The following ZBTB8B variants were observed in gnomAD, a reference collection of about 807,000 sequenced individuals.
ZBTB8B encodes the protein zinc finger and BTB domain containing 8B, also known as zinc finger and BTB domain-containing protein 8B.
In ZBTB8B, 17 loss-of-function variants were observed where a neutral mutation model predicts 30.3. The ratio of observed to expected loss-of-function variants is 0.56; its 90% CI spans 0.38 to 0.84. The LOEUF (loss-of-function observed/expected upper bound fraction) is 0.84, where lower values mean the gene tolerates loss of function less well. Ranked by LOEUF, ZBTB8B falls within the 40% of genes least tolerant of loss-of-function variation. ZBTB8B has a pLI of 0.00. For missense variants in ZBTB8B, 515 were observed against 644.9 expected (o/e 0.80, Z 2.18); for synonymous variants, 248 against 255.6 (o/e 0.97, Z 0.28).
At position 32,487,930 on chromosome 1, in the gene ZBTB8B, T is replaced by G. The variant is rs1458931334; in HGVS notation, c.*2512T>G. On this transcript the variant is annotated 3_prime_UTR_variant, in exon 4 of 4. Transcript: ENST00000609129. The stretch of plus-strand genomic sequence containing the variant: ...TTATCAGGGACCAGAGATATTTGTC[T>G]TATCTGAAATAAAAATACTAGCTGT... The G allele has an allele frequency of 6.6e-6, 1 of 151,832 alleles. No individual in the cohort carries two copies. Among genetic ancestry groups the G allele is most frequent in the Non-Finnish European group, 1.5e-5 (1 of 67,986 alleles). 9.4% of individuals were successfully genotyped at this position (151,832 alleles called of 1,614,324 possible). A position where few individuals can be genotyped will look rare whatever the true frequency, so the allele number is the denominator to read the frequency against.
chr1:32,489,917 C>T lies in ZBTB8B; in HGVS notation c.*4499C>T, dbSNP rs1053589322. On this transcript the variant is annotated 3_prime_UTR_variant, in exon 4 of 4. Transcript: ENST00000609129. The stretch of plus-strand genomic sequence containing the variant: ...TGGTGGCCACCAGACTTTGAATATT[C>T]CTTAAGGAAGCTGCTGACCTAGTGT... 1 of 152,144 alleles carries T rather than the reference C, an allele frequency of 6.6e-6. No individual in the cohort carries two copies. The highest frequency in any genetic ancestry group is 1.9e-4 in the East Asian group (1 of 5,192). The allele number at this position is 152,144 out of a possible 1,614,324, so 9.4% of individuals were successfully genotyped here. A position where few individuals can be genotyped will look rare whatever the true frequency, so the allele number is the denominator to read the frequency against.
In ZBTB8B at chr1:32,491,565, C is replaced by T. The variant is rs1643779760; in HGVS notation, c.*6147C>T. 1 of 152,226 alleles carries T rather than the reference C, an allele frequency of 6.6e-6. No homozygotes were observed. The highest frequency in any genetic ancestry group is 2.4e-5 in the African/African-American group (1 of 41,458). The allele number at this position is 152,226 out of a possible 1,614,324, so 9.4% of individuals were successfully genotyped here. A position where few individuals can be genotyped will look rare whatever the true frequency, so the allele number is the denominator to read the frequency against. ...ATAGTGCAGGTGCAAGGAGACAGAT[C>T]TACATGGGGCAAGTATGGAAGCTTC... On this transcript the variant is annotated 3_prime_UTR_variant, in exon 4 of 4. Coordinates refer to ENST00000609129, the MANE Select transcript of ZBTB8B (RefSeq NM_001145720.2).
chr1:32,473,351 C>T (rs137895575), intron 2 of ZBTB8B, among the ~76,000 whole-genome samples: 1 of 151,782 alleles, frequency 6.6e-6, no homozygotes, highest in African/African-American at 2.4e-5. Context: ...AAAAAAATAC[C>T]AGAACCTCAA....
At position 32,486,382 on chromosome 1, in the gene ZBTB8B, G is replaced by A. The variant is rs1004699065; in HGVS notation, c.*964G>A. On this transcript the variant is annotated 3_prime_UTR_variant, in exon 4 of 4. Coordinates refer to ENST00000609129, the MANE Select transcript of ZBTB8B (RefSeq NM_001145720.2). ...AAGGGCAAGCCAGTGGTGTTAGACA[G>A]CAGCTTGTATTGAAGCAGCAGTGCC... 1 of 152,324 alleles carries A rather than the reference G, an allele frequency of 6.6e-6. No individual in the cohort carries two copies. Among genetic ancestry groups the A allele is most frequent in the Admixed American group, 6.5e-5 (1 of 15,282 alleles). 9.4% of individuals were successfully genotyped at this position (152,324 alleles called of 1,614,324 possible).
intron 3 of ZBTB8B, among the ~76,000 whole-genome samples, chr1:32,483,015 C>T (rs1181980788): frequency 2.6e-5 from 4 of 151,730 alleles, no homozygotes; most frequent in African/African-American, 9.7e-5. Flanking sequence ...TTGCTTGCAC[C>T]CAGAGCTCTC....
chr1:32,491,838 G>A lies in ZBTB8B; in HGVS notation c.*6420G>A, dbSNP rs1419455145. On this transcript the variant is annotated 3_prime_UTR_variant, in exon 4 of 4. Transcript: ENST00000609129. ...TTGACATATGAATTTTTATTAGGTT[G>A]CCAGGGGAACAGAGCTAGAAAGTTA... 2 of 152,210 alleles carry A rather than the reference G, an allele frequency of 1.3e-5. No individual in the cohort carries two copies. Among genetic ancestry groups the A allele is most frequent in the Non-Finnish European group, 2.9e-5 (2 of 68,040 alleles). 9.4% of individuals were successfully genotyped at this position (152,210 alleles called of 1,614,324 possible).
At position 32,471,966 on chromosome 1, in the gene ZBTB8B, T is replaced by A. The variant is rs113537799; in HGVS notation, c.991+351T>A. ...TACCATCATCATCATTACCATCATC[T>A]CCAGTATCACCATCATCATTACCAT... On this transcript the variant is annotated intron_variant, in intron 2 of 3. Coordinates refer to ENST00000609129, the MANE Select transcript of ZBTB8B (RefSeq NM_001145720.2). Among the ~76,000 whole-genome samples the A allele has an allele frequency of 6.2e-3, 830 of 133,784 alleles. 8 individuals carry two copies. Among genetic ancestry groups the A allele is most frequent in the African/African-American group, 0.02 (769 of 37,736 alleles). 87.8% of individuals were successfully genotyped at this position (133,784 alleles called of 152,430 possible).
Position 32,493,721 on chromosome 1 carries a change from A to G in ZBTB8B, c.*8303A>G, listed in dbSNP as rs575514762. Reference sequence around the variant, plus strand: ...CTCCATCTCAAAAAAATAAAAAATAATAATAATATGGTTTTCTTATTTAAA... The same window carrying G: ...CTCCATCTCAAAAAAATAAAAAATAGTAATAATATGGTTTTCTTATTTAAA... On this transcript the variant is annotated 3_prime_UTR_variant, in exon 4 of 4. Transcript: ENST00000609129. 3.3e-5 allele frequency: 5 copies of G among 151,748 alleles called. No individual in the cohort carries two copies. The South Asian group carries it at 8.3e-4, about 25-fold the overall frequency. 9.4% of individuals were successfully genotyped at this position (151,748 alleles called of 1,614,324 possible). A position where few individuals can be genotyped will look rare whatever the true frequency, so the allele number is the denominator to read the frequency against.
At chr1:32,479,324 G>A (rs1372411406) in intron 2 of ZBTB8B, among the ~76,000 whole-genome samples, 2 of 152,094 alleles carry the variant, frequency 1.3e-5, no homozygotes, top group Non-Finnish European at 2.9e-5. Context: ...CAGGAGTTGA[G>A]ACCTGCCTGG....
chr1:32,484,772 T>G lies in ZBTB8B; in HGVS notation c.1171-329T>G, dbSNP rs1643731239. 6.6e-6 allele frequency among the ~76,000 whole-genome samples: 1 copy of G among 152,034 alleles called. No homozygotes were observed. Among genetic ancestry groups the G allele is most frequent in the Non-Finnish European group, 1.5e-5 (1 of 68,012 alleles). On this transcript the variant is annotated intron_variant, in intron 3 of 3. Coordinates refer to ENST00000609129, the MANE Select transcript of ZBTB8B (RefSeq NM_001145720.2). The surrounding 1 kb of genome is among the most constrained non-coding windows in gnomAD (Gnocchi z 4.5). Reference sequence around the variant, plus strand: ...TTCTCTTCCCCCTGCTCTGGCCATGTGAAGTGCCGGCTCCCCCTTTGTCTT... The same window carrying G: ...TTCTCTTCCCCCTGCTCTGGCCATGGGAAGTGCCGGCTCCCCCTTTGTCTT...
rs1415309888 is a variant in ZBTB8B at position 32,465,391 on chromosome 1, G to T, written c.-42+286G>T. Among the ~76,000 whole-genome samples the T allele has an allele frequency of 6.6e-6, 1 of 152,264 alleles. No individual in the cohort carries two copies. The highest frequency in any genetic ancestry group is 2.4e-5 in the African/African-American group (1 of 41,474). On this transcript the variant is annotated intron_variant, in intron 1 of 3. Transcript: ENST00000609129. This position sits in a 1 kb window ranked among gnomAD's most constrained non-coding sequence, Gnocchi z 4.1. ...GGCGCCGACTACTTCCACGGTGAAT[G>T]GTGCCCAGGCGTGGGGGGCTCGGCC...
At position 32,485,291 on chromosome 1, in the gene ZBTB8B, A is replaced by G. The variant is rs1294436239; in HGVS notation, c.1361A>G (p.Lys454Arg). ...GAGGCTTCATCTGAAAGCCAAGAAA[A>G]GAGCGACACAGACAATGACTGGCCA... ...LVEASSESQE[K>R]SDTDNDWPIY... Residue 454 changes from lysine (K) to arginine (R), a missense_variant, in exon 4 of 4, where the codon AAG becomes AGG. Physicochemically the swap from Lys to Arg is conservative, Grantham distance 26. Transcript: ENST00000609129. 4.5e-6 allele frequency: 7 copies of G among 1,552,164 alleles called. No individual in the cohort carries two copies. The highest frequency in any genetic ancestry group is 5.2e-6 in the Non-Finnish European group (6 of 1,147,138).
intron 2 of ZBTB8B, 117 bp downstream of exon 2, chr1:32,471,732 T>TCAGTACCATCATCAC: frequency 2.6e-6 from 3 of 1,143,646 alleles, no homozygotes; most frequent in Non-Finnish European, 3.6e-6. Flanking sequence ...ACCAACATTA[T>TCAGTACCATCATCAC]CAGTACCATC....
Position 32,485,288 on chromosome 1 carries a change from A to G in ZBTB8B, c.1358A>G (p.Glu453Gly). The change falls in exon 4 of 4, where the codon GAA (glutamate) becomes GGA (glycine). Residue 453 changes from glutamate (E) to glycine (G), a missense_variant. Glu to Gly is a moderately conservative substitution (Grantham distance 98). Transcript: ENST00000609129. ...SLVEASSESQ[E>G]KSDTDNDWPI... Reference sequence around the variant, plus strand: ...GTGGAGGCTTCATCTGAAAGCCAAGAAAAGAGCGACACAGACAATGACTGG... The same window carrying G: ...GTGGAGGCTTCATCTGAAAGCCAAGGAAAGAGCGACACAGACAATGACTGG... The G allele has an allele frequency of 1.9e-6, 3 of 1,552,270 alleles. No homozygotes were observed. Among genetic ancestry groups the G allele is most frequent in the Non-Finnish European group, 2.6e-6 (3 of 1,147,134 alleles).
chr1:32,476,528 C>T (rs758564935), intron 2 of ZBTB8B, among the ~76,000 whole-genome samples: 38 of 151,936 alleles, frequency 2.5e-4, no homozygotes, highest in Non-Finnish European at 4.4e-4. Context: ...ACCTGGACTT[C>T]CTGCCTTTAA....
Position 32,483,242 on chromosome 1 carries a change from TCCAAAAAAAAAAAAA to T in ZBTB8B, c.1171-1858_1171-1844del, listed in dbSNP as rs1255155685. 9.8e-3 allele frequency among the ~76,000 whole-genome samples: 323 copies of T among 33,106 alleles called. 14 individuals are homozygous for T. The highest frequency in any genetic ancestry group is 0.032 in the African/African-American group (242 of 7,494). The allele number at this position is 33,106 out of a possible 152,430, so 21.7% of individuals were successfully genotyped here. On this transcript the variant is annotated intron_variant, in intron 3 of 3. Coordinates refer to ENST00000609129, the MANE Select transcript of ZBTB8B (RefSeq NM_001145720.2). ...GGCGAAACCCCTTATCTACTAAAAA[TCCAAAAAAAAAAAAA>T]AAAAAAAAAAAAAAAAAATTAGCCA...
In ZBTB8B at chr1:32,480,828, G is replaced by A. The variant is rs187630903; in HGVS notation, c.992-63G>A. The A allele has an allele frequency of 9.4e-4, 1,354 of 1,447,714 alleles. 7 individuals carry two copies. In the African/African-American group the frequency reaches 0.013, roughly 14 times the overall value. 89.7% of individuals were successfully genotyped at this position (1,447,714 alleles called of 1,614,324 possible). ...TCCCCAGCTCTGGATCCCATCCACC[G>A]GCGGGTAGCCAGGGTTGGTCACTGC... On this transcript the variant is annotated intron_variant, in intron 2 of 3. Transcript: ENST00000609129.
At position 32,490,985 on chromosome 1, in the gene ZBTB8B, C is replaced by T. The variant is rs956596268; in HGVS notation, c.*5567C>T. 1.3e-5 allele frequency: 2 copies of T among 152,168 alleles called. No individual in the cohort carries two copies. The highest frequency in any genetic ancestry group is 2.4e-5 in the African/African-American group (1 of 41,424). The allele number at this position is 152,168 out of a possible 1,614,324, so 9.4% of individuals were successfully genotyped here. Reference sequence around the variant, plus strand: ...TAACTGAAGGAGAACATTTAGCATCCGTCTTGACCCTCCAGGTAGATTATT... The same window carrying T: ...TAACTGAAGGAGAACATTTAGCATCTGTCTTGACCCTCCAGGTAGATTATT... On this transcript the variant is annotated 3_prime_UTR_variant, in exon 4 of 4. Coordinates refer to ENST00000609129, the MANE Select transcript of ZBTB8B (RefSeq NM_001145720.2).
At position 32,493,010 on chromosome 1, in the gene ZBTB8B, T is replaced by G. The variant is rs1643789821; in HGVS notation, c.*7592T>G. Reference sequence around the variant, plus strand: ...AAGCAGTTTAAACAGTTGCTGAAATTTATTGCCTTTTCTCAAACATGGTGG... The same window carrying G: ...AAGCAGTTTAAACAGTTGCTGAAATGTATTGCCTTTTCTCAAACATGGTGG... On this transcript the variant is annotated 3_prime_UTR_variant, in exon 4 of 4. Transcript: ENST00000609129. The G allele has an allele frequency of 6.6e-6, 1 of 152,236 alleles. No individual in the cohort carries two copies. Among genetic ancestry groups the G allele is most frequent in the African/African-American group, 2.4e-5 (1 of 41,458 alleles). 9.4% of individuals were successfully genotyped at this position (152,236 alleles called of 1,614,324 possible). A position where few individuals can be genotyped will look rare whatever the true frequency, so the allele number is the denominator to read the frequency against.
Sources: allele counts gnomAD v4.1 joint callset (sites outside exome capture counted in the v4.1 genomes callset), GRCh38; gene constraint gnomAD v4.1.1; non-coding constraint Gnocchi (gnomAD v3.1); transcripts MANE v1.5; gene names NCBI Gene and HGNC (gene_info 2026-07-23, HGNC 2026-07-21).